KIAA1143: variants seen among roughly 807,000 people sequenced by gnomAD.
KIAA1143 encodes KIAA1143, also known as uncharacterized protein KIAA1143.
Under a neutral mutation model 17.0 loss-of-function variants are expected in KIAA1143, and 8 were observed. That is an observed-to-expected ratio of 0.47 (90% CI 0.28 to 0.85). KIAA1143 has a LOEUF of 0.85. Among genes scored for constraint, KIAA1143 ranks in the 40% least tolerant of loss-of-function variants. The pLI, the probability that KIAA1143 is intolerant of heterozygous loss-of-function variation, is 0.12. For missense variants in KIAA1143, 162 were observed against 183.3 expected, an observed-to-expected ratio of 0.88 and a Z score of 0.67; for synonymous variants, 64 against 67.8, an observed-to-expected ratio of 0.94 and a Z score of 0.27.
At chr3:44,753,809 T>C (rs766429800) in intron 2 of KIAA1143, among the ~76,000 whole-genome samples, 18 of 152,350 alleles carry the variant, frequency 1.2e-4, no homozygotes, top group Admixed American at 5.9e-4. Flanking sequence ...GTTTGAAAAG[T>C]GACTGTTTGG....
At chr3:44,753,723 T>C (rs1487042998) in intron 2 of KIAA1143, 171 bp from the exon 3 acceptor site, 6 of 209,378 alleles carry the variant, frequency 2.9e-5, no homozygotes, top group African/African-American at 4.7e-5. Flanking sequence ...ATGCAGTTAC[T>C]TAATAAAAAC....
chr3:44,759,084 G>C (rs1394212402), intron 1 of KIAA1143, among the ~76,000 whole-genome samples: 2 of 152,058 alleles, frequency 1.3e-5, no homozygotes, highest in Non-Finnish European at 2.9e-5. Flanking sequence ...GGCTGGTCTT[G>C]AACTCCTGGG....
intron 1 of KIAA1143, among the ~76,000 whole-genome samples, chr3:44,756,414 T>C (rs1704969716): frequency 6.6e-6 from 1 of 152,076 alleles, no homozygotes. Flanking sequence ...AATACAGAAA[T>C]TACCTCGGTG....
intron 1 of KIAA1143, among the ~76,000 whole-genome samples, chr3:44,759,451 G>A (rs572785955): frequency 7.7e-4 from 117 of 152,260 alleles, no homozygotes; most frequent in Non-Finnish European, 1.6e-3. Context: ...TAGAGCACAG[G>A]CAGAGTAGAT....
rs750650836 is a variant in KIAA1143, at chr3:44,753,556, A to G, written c.254-4T>C. 1.3e-6 allele frequency: 2 copies of G among 1,599,438 alleles called. No homozygotes were observed. The highest frequency in any genetic ancestry group is 1.7e-6 in the Non-Finnish European group (2 of 1,173,678). ...TCGGCTGGAGTTGGTTCTTCATCTG[A>G]GCAAAAACAGAATTTTTAAGAACTT... On this transcript the variant is annotated splice_polypyrimidine_tract_variant and splice_region_variant and intron_variant, in intron 2 of 2. Transcript: ENST00000296121.
rs1704874531 is a variant in KIAA1143 at position 44,750,083 on chromosome 3, C to T, written c.*3258G>A. On this transcript the variant is annotated 3_prime_UTR_variant, in exon 3 of 3. Transcript: ENST00000296121. ...GGATTACAAGCATGAGCCATTGTGT[C>T]TGGCCTGGGTGATTCTTTATCTGAC... 6.6e-6 allele frequency: 1 copy of T among 152,132 alleles called. No individual in the cohort carries two copies. Among genetic ancestry groups the T allele is most frequent in the Non-Finnish European group, 1.5e-5 (1 of 68,034 alleles). 9.4% of individuals were successfully genotyped at this position (152,132 alleles called of 1,614,324 possible).
In KIAA1143 at chr3:44,753,399, T is replaced by C. The variant is rs370270734; in HGVS notation, c.407A>G (p.Gln136Arg). 3.7e-5 allele frequency: 59 copies of C among 1,599,718 alleles called. No homozygotes were observed. The African/African-American group carries it at 4.7e-4, about 13-fold the overall frequency. ...GAGGCTACTATTTTTAATTTGTTTT[T>C]GTGAGTTCTTTTTGACCGAGTCCTG... ...VNQDSVKKNSQKQIKNSSLLS... is the reference protein window; with the variant it reads ...VNQDSVKKNSRKQIKNSSLLS... The change falls in exon 3 of 3, where the codon CAA becomes CGA. Residue 136 changes from glutamine (Q) to arginine (R), a missense_variant. Transcript: ENST00000296121.
At chr3:44,757,837 G>A (rs558046713) in intron 1 of KIAA1143, among the ~76,000 whole-genome samples, 1 of 152,224 alleles carries the variant, frequency 6.6e-6, no homozygotes, top group Non-Finnish European at 1.5e-5. Context: ...CAGTGCATGG[G>A]GTTAGCACAT....
chr3:44,756,613 C>T (rs1466557776), intron 1 of KIAA1143, among the ~76,000 whole-genome samples: 3 of 152,140 alleles, frequency 2.0e-5, no homozygotes, highest in Non-Finnish European at 4.4e-5. Context: ...GGAATGATTT[C>T]CCATGAAACT....
Position 44,753,316 on chromosome 3 carries a change from T to C in KIAA1143, c.*25A>G, listed in dbSNP as rs1164546184. 1 of 1,541,762 alleles carries C rather than the reference T, an allele frequency of 6.5e-7. No homozygotes were observed. Among genetic ancestry groups the C allele is most frequent in the Non-Finnish European group, 9.0e-7 (1 of 1,116,954 alleles). ...ATGAACACTCCATATACTTTCAAAGTAGACTAAATTCAAAATATTTACACT... is the reference window on the plus strand; with the variant it reads ...ATGAACACTCCATATACTTTCAAAGCAGACTAAATTCAAAATATTTACACT... On this transcript the variant is annotated 3_prime_UTR_variant, in exon 3 of 3. Coordinates refer to ENST00000296121, the MANE Select transcript of KIAA1143 (RefSeq NM_020696.4).
At chr3:44,754,784 C>T (rs1366650942) in intron 1 of KIAA1143, among the ~76,000 whole-genome samples, 2 of 152,172 alleles carry the variant, frequency 1.3e-5, no homozygotes, top group African/African-American at 2.4e-5. Flanking sequence ...GCAAGTAAAA[C>T]GTACTCTCTC....
At position 44,753,126 on chromosome 3, in the gene KIAA1143, A is replaced by G. The variant is rs1704913148; in HGVS notation, c.*215T>C. 2.4e-6 allele frequency: 1 copy of G among 408,958 alleles called. No individual in the cohort carries two copies. Among genetic ancestry groups the G allele is most frequent in the Admixed American group, 4.0e-5 (1 of 24,780 alleles). The allele number at this position is 408,958 out of a possible 1,614,324, so 25.3% of individuals were successfully genotyped here. On this transcript the variant is annotated 3_prime_UTR_variant, in exon 3 of 3. Coordinates refer to ENST00000296121, the MANE Select transcript of KIAA1143 (RefSeq NM_020696.4). ...ATTTACATATATATACAACCACACA[A>G]GGGAAATAACAAAATGTTAATACTA...
At chr3:44,761,426 A>G (rs1220297804) in intron 1 of KIAA1143, 69 bp downstream of exon 1, 1 of 1,289,700 alleles carries the variant, frequency 7.8e-7, no homozygotes, top group African/African-American at 1.5e-5. Flanking sequence ...CCACCCTCCA[A>G]GTAGAGGCAA....
chr3:44,761,546 G>C lies in KIAA1143; in HGVS notation c.57C>G (p.Ala19=), dbSNP rs1559513207. 6.2e-7 allele frequency: 1 copy of C among 1,614,146 alleles called. No homozygotes were observed. Among genetic ancestry groups the C allele is most frequent in the Non-Finnish European group, 8.5e-7 (1 of 1,180,050 alleles). The part of the protein sequence containing the change: ...YVRPAEPAFL[A]RFKERVGYRE... ...TGTAGCCGACCCGTTCCTTGAAGCG[G>C]GCCAGAAACGCCGGCTCGGCTGGCC... Residue 19 remains alanine (A), a synonymous_variant, in exon 1 of 3, where the codon GCC becomes GCG. Transcript: ENST00000296121.
rs777180688 is a variant in KIAA1143, at chr3:44,761,576, G to A, written c.27C>T (p.Tyr9=). 20 of 1,613,402 alleles carry A rather than the reference G, an allele frequency of 1.2e-5. No homozygotes were observed. Among genetic ancestry groups the A allele is most frequent in the Non-Finnish European group, 1.7e-5 (20 of 1,179,984 alleles). ...GAAACGCCGGCTCGGCTGGCCGCACGTACGATACCTGGTTCCGCTTGCTCA... is the reference window on the plus strand; with the variant it reads ...GAAACGCCGGCTCGGCTGGCCGCACATACGATACCTGGTTCCGCTTGCTCA... MSKRNQVS[Y]VRPAEPAFLA... is the part of the protein sequence containing the mutation. Residue 9 remains tyrosine, a synonymous_variant, in exon 1 of 3, where the codon TAC becomes TAT. Transcript: ENST00000296121.
In KIAA1143 at chr3:44,761,593, G is replaced by C. The variant is rs150764403; in HGVS notation, c.10C>G (p.Arg4Gly). 1.1e-5 allele frequency: 17 copies of C among 1,606,526 alleles called. No homozygotes were observed. Among genetic ancestry groups the C allele is most frequent in the East Asian group, 2.3e-5 (1 of 44,266 alleles). The change falls in exon 1 of 3, where the codon CGG (arginine) becomes GGG (glycine). Residue 4 changes from arginine to glycine, a missense_variant. Arg to Gly is a moderately radical substitution (Grantham distance 125, BLOSUM62 -2). Coordinates refer to ENST00000296121, the MANE Select transcript of KIAA1143 (RefSeq NM_020696.4). MSK[R>G]NQVSYVRPAE... Reference sequence around the variant, plus strand: ...GGCCGCACGTACGATACCTGGTTCCGCTTGCTCATGGTAGCTCTGGGTAAA... The same window carrying C: ...GGCCGCACGTACGATACCTGGTTCCCCTTGCTCATGGTAGCTCTGGGTAAA...
At chr3:44,759,894 C>CAAAAAAAAAAAAAAAAAAAAAAA (rs527806223) in intron 1 of KIAA1143, among the ~76,000 whole-genome samples, 4 of 51,110 alleles carry the variant, frequency 7.8e-5, no homozygotes, top group Non-Finnish European at 7.3e-5. Flanking sequence ...GACCCTATCT[C>CAAAAAAAAAAAAAAAAAAAAAAA]AAAAAAAAAA....
chr3:44,752,456 A>G lies in KIAA1143; in HGVS notation c.*885T>C, dbSNP rs1161330755. The G allele has an allele frequency of 1.3e-5, 2 of 152,154 alleles. No homozygotes were observed. Among genetic ancestry groups the G allele is most frequent in the Non-Finnish European group, 2.9e-5 (2 of 68,034 alleles). The allele number at this position is 152,154 out of a possible 1,614,324, so 9.4% of individuals were successfully genotyped here. ...AACAGTTTGACCAGTTATTTATTGT[A>G]TTACTTAGGACTGCATTTGGCTGCA... is the stretch of plus-strand genomic sequence containing the variant. On this transcript the variant is annotated 3_prime_UTR_variant, in exon 3 of 3. Transcript: ENST00000296121.
intron 2 of KIAA1143, among the ~76,000 whole-genome samples, 171 bp downstream of exon 2, chr3:44,754,053 G>A (rs1704929956): frequency 6.6e-6 from 1 of 152,148 alleles, no homozygotes; most frequent in Non-Finnish European, 1.5e-5. Flanking sequence ...AGGAAATCGA[G>A]GCTGAGAGGT....
Sources: gnomAD v4.1 joint callset for allele counts (sites outside exome capture counted in the v4.1 genomes callset) on GRCh38, gnomAD v4.1.1 for gene constraint, MANE v1.5 for transcripts, NCBI Gene and HGNC (gene_info 2026-07-23, HGNC 2026-07-21) for gene names.